Variants in SESTD1 observed in about 807,000 individuals in gnomAD.
SESTD1 encodes the protein SEC14 domain and spectrin repeat-containing protein 1.
A neutral mutation model predicts 101.7 loss-of-function variants in SESTD1; 43 were observed. That is an observed-to-expected ratio of 0.42 (90% CI 0.33 to 0.55). The LOEUF is 0.55. Among genes scored for constraint, SESTD1 ranks in the 20% least tolerant of loss-of-function variants. SESTD1 has a pLI of 0.07. For synonymous variants in SESTD1, 283 were observed against 286.8 expected, an observed-to-expected ratio of 0.99 and a Z score of 0.13; for missense variants, 647 against 815.1, an observed-to-expected ratio of 0.79 and a Z score of 2.51.
chr2:179,120,234 A>C (rs1685764952), intron 13 of SESTD1, among the ~76,000 whole-genome samples: 1 of 151,684 alleles, frequency 6.6e-6, no homozygotes, highest in Admixed American at 6.6e-5. Flanking sequence ...TTTCAAAAAA[A>C]AAAGAAAAGA....
chr2:179,225,460 A>G (rs1391188622), intron 1 of SESTD1, among the ~76,000 whole-genome samples: 3 of 152,120 alleles, frequency 2.0e-5, no homozygotes, highest in Non-Finnish European at 4.4e-5. Context: ...TTAAAAAGAG[A>G]TCTTTATATT....
At chr2:179,144,407 T>C (rs1334793417) in intron 8 of SESTD1, among the ~76,000 whole-genome samples, 1 of 152,054 alleles carries the variant, frequency 6.6e-6, no homozygotes, top group Non-Finnish European at 1.5e-5. Flanking sequence ...CTTCACAATA[T>C]ATTAACTGTG....
chr2:179,144,087 C>T (rs1326834572), intron 8 of SESTD1, among the ~76,000 whole-genome samples: 1 of 151,544 alleles, frequency 6.6e-6, no homozygotes, highest in Non-Finnish European at 1.5e-5. Flanking sequence ...AAATACTATA[C>T]TACATATTAA....
chr2:179,160,439 A>G (rs1347600976), intron 5 of SESTD1, among the ~76,000 whole-genome samples: 2 of 151,980 alleles, frequency 1.3e-5, no homozygotes, highest in African/African-American at 4.8e-5. Context: ...CAAATATTTA[A>G]AAGTACAAAA....
chr2:179,191,833 G>C lies in SESTD1; in HGVS notation c.9C>G (p.Ala3=), dbSNP rs1366525167. Residue 3 remains alanine (A), a synonymous_variant, in exon 2 of 18, where the codon GCC becomes GCG. Coordinates refer to ENST00000428443, the MANE Select transcript of SESTD1 (RefSeq NM_178123.5). The part of the protein sequence containing the change: ME[A]SVILPILKKK... ...TCTTCAGAATGGGTAATATTACTGAGGCCTCCATTTTACTCCAGTGAACTT... is the reference window on the plus strand; with the variant it reads ...TCTTCAGAATGGGTAATATTACTGACGCCTCCATTTTACTCCAGTGAACTT... 1 of 1,612,232 alleles carries C rather than the reference G, an allele frequency of 6.2e-7. No homozygotes were observed. The highest frequency in any genetic ancestry group is 1.1e-5 in the South Asian group (1 of 90,790).
chr2:179,123,085 C>T (rs1373939342), intron 12 of SESTD1, among the ~76,000 whole-genome samples: 4 of 152,084 alleles, frequency 2.6e-5, no homozygotes, highest in African/African-American at 9.7e-5. Context: ...CCCCTTGATA[C>T]GACTCCCCAC....
chr2:179,153,396 T>C (rs1454644266), intron 5 of SESTD1, among the ~76,000 whole-genome samples: 3 of 152,162 alleles, frequency 2.0e-5, no homozygotes, highest in Non-Finnish European at 4.4e-5. Context: ...GGAAGGAAGA[T>C]GTGGGAGAGA....
chr2:179,193,275 C>G (rs569411068), intron 1 of SESTD1, among the ~76,000 whole-genome samples: 2 of 152,318 alleles, frequency 1.3e-5, no homozygotes, highest in South Asian at 4.1e-4. Context: ...CCATTTGCAT[C>G]TGTCTTCAAA....
At position 179,109,271 on chromosome 2, in the gene SESTD1, G is replaced by A. The variant is rs370208011; in HGVS notation, c.*628C>T. 33 of 153,478 alleles carry A rather than the reference G, an allele frequency of 2.2e-4. No individual in the cohort carries two copies. The highest frequency in any genetic ancestry group is 4.2e-4 in the Non-Finnish European group (29 of 68,694). 9.5% of individuals were successfully genotyped at this position (153,478 alleles called of 1,614,324 possible). Reference sequence around the variant, plus strand: ...ATGCCCTTTTAAATAAGGCACTCATGTTTGGAAATAGGATGTAACTACTAA... The same window carrying A: ...ATGCCCTTTTAAATAAGGCACTCATATTTGGAAATAGGATGTAACTACTAA... On this transcript the variant is annotated 3_prime_UTR_variant, in exon 18 of 18. Transcript: ENST00000428443.
Position 179,264,683 on chromosome 2 carries a change from G to T in SESTD1, c.-210C>A, listed in dbSNP as rs1187000025. The T allele has an allele frequency of 2.0e-5, 3 of 151,154 alleles. No individual in the cohort carries two copies. Among genetic ancestry groups the T allele is most frequent in the African/African-American group, 7.3e-5 (3 of 41,166 alleles). The allele number at this position is 151,154 out of a possible 1,614,324, so 9.4% of individuals were successfully genotyped here. ...GCTCCAGTCACTCGCGGCAAATCGC[G>T]TCCCGGCCCCTCCGTGCGTCAGGCG... On this transcript the variant is annotated 5_prime_UTR_variant, in exon 1 of 18. Coordinates refer to ENST00000428443, the MANE Select transcript of SESTD1 (RefSeq NM_178123.5).
At chr2:179,183,240 C>T in intron 2 of SESTD1, 52 bp from the exon 3 acceptor site, 1 of 1,165,300 alleles carries the variant, frequency 8.6e-7, no homozygotes, top group Non-Finnish European at 1.2e-6. Flanking sequence ...AAGGCATAAT[C>T]TGAATAATAT....
rs573469712 is a variant in SESTD1, at chr2:179,210,355, A to C, written c.-25-18489T>G. Among the ~76,000 whole-genome samples the C allele has an allele frequency of 2.2e-5, 3 of 134,780 alleles. No homozygotes were observed. In the East Asian group the frequency reaches 6.0e-4, roughly 27 times the overall value. The allele number at this position is 134,780 out of a possible 152,430, so 88.4% of individuals were successfully genotyped here. A position where few individuals can be genotyped will look rare whatever the true frequency, so the allele number is the denominator to read the frequency against. ...GTGAAGCCAGTATTCCCCTAATACCAAAACCAGAAAAGGACATAACAAAAA... is the reference window on the plus strand; with the variant it reads ...GTGAAGCCAGTATTCCCCTAATACCCAAACCAGAAAAGGACATAACAAAAA... On this transcript the variant is annotated intron_variant, in intron 1 of 17. Transcript: ENST00000428443.
intron 1 of SESTD1, among the ~76,000 whole-genome samples, chr2:179,256,982 G>A (rs61060733): frequency 0.011 from 1,692 of 152,026 alleles, 32 homozygotes; most frequent in African/African-American, 0.039. Context: ...GCAGTGGCAG[G>A]GTTTGAGAGG....
intron 1 of SESTD1, among the ~76,000 whole-genome samples, chr2:179,254,124 A>G (rs1271871615): frequency 6.6e-6 from 1 of 152,094 alleles, no homozygotes; most frequent in East Asian, 1.9e-4. Flanking sequence ...ATAATAAAAA[A>G]TAAAATTTGA....
chr2:179,185,540 T>C (rs1389418424), intron 2 of SESTD1, among the ~76,000 whole-genome samples: 3 of 136,544 alleles, frequency 2.2e-5, no homozygotes, highest in African/African-American at 8.2e-5. Context: ...ATATGTAATA[T>C]ATGATATGTA....
chr2:179,193,939 T>A (rs995996575), intron 1 of SESTD1, among the ~76,000 whole-genome samples: 2 of 152,212 alleles, frequency 1.3e-5, no homozygotes, highest in Non-Finnish European at 2.9e-5. Context: ...GTTGCAACTC[T>A]TTTAAATGGT....
chr2:179,264,368 C>G (rs2047528011), intron 1 of SESTD1, 131 bp downstream of exon 1: 1 of 150,944 alleles, frequency 6.6e-6, no homozygotes, highest in Middle Eastern at 3.5e-3. Flanking sequence ...CCCTCCGCCC[C>G]GCGGCCCGCG....
At position 179,201,708 on chromosome 2, in the gene SESTD1, G is replaced by A. The variant is rs1399865557; in HGVS notation, c.-25-9842C>T. Among the ~76,000 whole-genome samples, 21 of 122,844 alleles carry A rather than the reference G, an allele frequency of 1.7e-4. 1 individual carries two copies. Among genetic ancestry groups the A allele is most frequent in the African/African-American group, 6.4e-4 (19 of 29,622 alleles). 80.6% of individuals were successfully genotyped at this position (122,844 alleles called of 152,430 possible). On this transcript the variant is annotated intron_variant, in intron 1 of 17. Transcript: ENST00000428443. ...AAACACCGCATATTCTCACTCATAGGTGGGAACTGAACAATGAGAACACAT... is the reference window on the plus strand; with the variant it reads ...AAACACCGCATATTCTCACTCATAGATGGGAACTGAACAATGAGAACACAT...
intron 5 of SESTD1, among the ~76,000 whole-genome samples, chr2:179,170,832 C>T (rs2045918508): frequency 6.6e-6 from 1 of 152,184 alleles, no homozygotes; most frequent in Non-Finnish European, 1.5e-5. Context: ...AACATGTACA[C>T]AGGCCATGAG....
Sources: gnomAD v4.1 joint callset for allele counts (sites outside exome capture counted in the v4.1 genomes callset) on GRCh38, gnomAD v4.1.1 for gene constraint, MANE v1.5 for transcripts, NCBI Gene and HGNC (gene_info 2026-07-23, HGNC 2026-07-21) for gene names.